Variants in SUGCT observed in about 807,000 individuals in gnomAD.
SUGCT encodes succinyl-CoA:glutarate CoA-transferase.
In SUGCT, 41 loss-of-function variants were observed where a neutral mutation model predicts 55.0. That is an observed-to-expected ratio of 0.74 (90% CI 0.58 to 0.97). SUGCT has a LOEUF of 0.97. SUGCT is among the 50% of genes least tolerant of loss of function. The pLI, the probability that SUGCT is intolerant of heterozygous loss-of-function variation, is 0.00. For synonymous variants in SUGCT, 187 were observed against 200.4 expected (o/e 0.93, Z 0.56); for missense variants, 568 against 547.8 (o/e 1.04, Z -0.37).
At chr7:40,603,019 G>A (rs1798365327) in intron 12 of SUGCT, among the ~76,000 whole-genome samples, 1 of 152,142 alleles carries the variant, frequency 6.6e-6, no homozygotes, top group Admixed American at 6.5e-5. Flanking sequence ...ATAGGACTGA[G>A]GGGAACAGAA....
the SUGCT span, among the ~76,000 whole-genome samples, chr7:40,876,451 A>G: frequency 9.2e-5 from 14 of 152,342 alleles, no homozygotes; most frequent in East Asian, 2.3e-3. Context: ...AAAGAACAGA[A>G]GGACCATACT....
intron 9 of SUGCT, among the ~76,000 whole-genome samples, chr7:40,380,422 A>G (rs1784813004): frequency 2.0e-5 from 3 of 152,044 alleles, no homozygotes; most frequent in Admixed American, 2.0e-4. Flanking sequence ...TGTGGAGGAG[A>G]GGATTTTCGG....
intron 7 of SUGCT, among the ~76,000 whole-genome samples, chr7:40,241,921 A>AG (rs1285619086): frequency 6.7e-6 from 1 of 148,398 alleles, no homozygotes; most frequent in African/African-American, 2.4e-5. Context: ...TCTGTCTCCA[A>AG]AAAAAAAAAA....
intron 8 of SUGCT, among the ~76,000 whole-genome samples, chr7:40,310,344 A>C (rs1231837223): frequency 6.6e-6 from 1 of 152,242 alleles, no homozygotes; most frequent in Non-Finnish European, 1.5e-5. Context: ...CATAAAAAAT[A>C]AGGAAAGTAT....
intron 9 of SUGCT, among the ~76,000 whole-genome samples, chr7:40,400,417 T>G (rs1226477109): frequency 1.3e-5 from 2 of 152,160 alleles, no homozygotes; most frequent in African/African-American, 4.8e-5. Flanking sequence ...GCAGGTCACA[T>G]AGCGAGAACA....
chr7:40,377,620 G>T (rs1784670288), intron 9 of SUGCT, among the ~76,000 whole-genome samples: 1 of 152,012 alleles, frequency 6.6e-6, no homozygotes, highest in South Asian at 2.1e-4. Flanking sequence ...TGAGATTGGA[G>T]GACAAAAGAG....
chr7:40,353,640 A>AT (rs1797747172), intron 9 of SUGCT, among the ~76,000 whole-genome samples: 1 of 152,042 alleles, frequency 6.6e-6, no homozygotes, highest in South Asian at 2.1e-4. Flanking sequence ...TTATGGTGTT[A>AT]TTTTTTGCTG....
At chr7:40,193,694 G>C (rs772082798) in intron 5 of SUGCT, among the ~76,000 whole-genome samples, 8 of 151,488 alleles carry the variant, frequency 5.3e-5, no homozygotes, top group Non-Finnish European at 1.0e-4. Context: ...TGTCTCCCAG[G>C]TTCAAGTGAT....
chr7:40,579,825 CCTGTA>C (rs1796977429), intron 12 of SUGCT, among the ~76,000 whole-genome samples: 1 of 152,104 alleles, frequency 6.6e-6, no homozygotes, highest in South Asian at 2.1e-4. Context: ...GCACATAATC[CCTGTA>C]CTGTTCTTAA....
rs78395434 is a variant in SUGCT, at chr7:40,558,111, A to C, written c.1089+61725A>C. 5.0e-4 allele frequency among the ~76,000 whole-genome samples: 75 copies of C among 151,318 alleles called. 1 individual carries two copies. Among genetic ancestry groups the C allele is most frequent in the South Asian group, 6.2e-4 (3 of 4,822 alleles). On this transcript the variant is annotated intron_variant, in intron 12 of 13. Coordinates refer to ENST00000335693, the MANE Select transcript of SUGCT (RefSeq NM_001193313.2). ...GGCTATTCCATACAAAAAAAAAAAA[A>C]CCAGAAAATAAAAAGTTTTGATGTG...
At chr7:40,987,886 G>A in the SUGCT span, among the ~76,000 whole-genome samples, 1 of 152,048 alleles carries the variant, frequency 6.6e-6, no homozygotes, top group Non-Finnish European at 1.5e-5. Context: ...GATGATCTGG[G>A]TCTATGTGAA....
At chr7:41,016,060 T>A in the SUGCT span, among the ~76,000 whole-genome samples, 1 of 152,154 alleles carries the variant, frequency 6.6e-6, no homozygotes, top group Non-Finnish European at 1.5e-5. Flanking sequence ...GACTTGTATC[T>A]TTTCATAGGA....
intron 9 of SUGCT, among the ~76,000 whole-genome samples, chr7:40,373,171 T>G (rs1784369313): frequency 6.6e-6 from 1 of 151,788 alleles, no homozygotes; most frequent in Non-Finnish European, 1.5e-5. Flanking sequence ...AAAGTTCAAG[T>G]TAGAAAGTTA....
chr7:40,333,440 C>T (rs1280243733), intron 9 of SUGCT, among the ~76,000 whole-genome samples: 1 of 150,702 alleles, frequency 6.6e-6, no homozygotes. Context: ...AGTTTGAGAC[C>T]AGCCTGGCCA....
chr7:40,905,799 G>C, the SUGCT span, among the ~76,000 whole-genome samples: 96 of 151,110 alleles, frequency 6.4e-4, no homozygotes, highest in South Asian at 1.7e-3. Context: ...GTTCATTGCA[G>C]CCTCAAATTC....
chr7:40,412,229 A>G (rs561193790), intron 9 of SUGCT, among the ~76,000 whole-genome samples: 15 of 152,324 alleles, frequency 9.8e-5, no homozygotes, highest in African/African-American at 3.6e-4. Flanking sequence ...CCAAGTCCTC[A>G]CAGTGGTCAC....
At chr7:40,282,209 T>C (rs1457824439) in intron 8 of SUGCT, among the ~76,000 whole-genome samples, 1 of 151,972 alleles carries the variant, frequency 6.6e-6, no homozygotes, top group South Asian at 2.1e-4. Flanking sequence ...GGCTCATGCA[T>C]GTAATCCCAG....
At chr7:40,486,007 A>G (rs771042927) in intron 11 of SUGCT, among the ~76,000 whole-genome samples, 4 of 152,180 alleles carry the variant, frequency 2.6e-5, no homozygotes, top group Non-Finnish European at 5.9e-5. Context: ...TGGTATTGGT[A>G]TCAGAGTAAT....
At chr7:40,627,273 T>A (rs1468289179) in intron 12 of SUGCT, among the ~76,000 whole-genome samples, 1 of 151,850 alleles carries the variant, frequency 6.6e-6, no homozygotes, top group Non-Finnish European at 1.5e-5. Flanking sequence ...AGTGTGGGAG[T>A]GGTCCTGAGC....
Sources: allele counts gnomAD v4.1 joint callset (sites outside exome capture counted in the v4.1 genomes callset), GRCh38; gene constraint gnomAD v4.1.1; transcripts MANE v1.5; gene names NCBI Gene and HGNC (gene_info 2026-07-23, HGNC 2026-07-21).